The following TSPAN15 variants were observed in gnomAD, a reference collection of about 807,000 sequenced individuals.
TSPAN15 encodes the protein tetraspanin-15.
A neutral mutation model predicts 34.5 loss-of-function variants in TSPAN15; 20 were observed. The ratio of observed to expected loss-of-function variants is 0.58; its 90% CI spans 0.41 to 0.84. TSPAN15 has a LOEUF of 0.84. Among genes scored for constraint, TSPAN15 ranks in the 40% least tolerant of loss-of-function variants. The probability of loss-of-function intolerance (pLI) is 0.00; values close to 1 mark genes in which losing one functional copy is unlikely to be tolerated. For synonymous variants in TSPAN15, 155 were observed against 153.9 expected, an observed-to-expected ratio of 1.01 and a Z score of -0.05; for missense variants, 313 against 386.1, an observed-to-expected ratio of 0.81 and a Z score of 1.59.
downstream of TSPAN15, among the ~76,000 whole-genome samples, chr10:69,510,890 G>A (rs1485682334): frequency 3.9e-5 from 6 of 152,104 alleles, no homozygotes; most frequent in African/African-American, 9.7e-5. Flanking sequence ...ATTGATTTTC[G>A]TATGTTGAAC....
the TSPAN15 span, among the ~76,000 whole-genome samples, chr10:69,539,447 A>G: frequency 2.6e-5 from 1 of 38,198 alleles, no homozygotes; most frequent in African/African-American, 9.1e-5. Flanking sequence ...AGAAGGAAGA[A>G]GAAGAAGAAG....
At chr10:69,533,316 T>TAA in the TSPAN15 span, among the ~76,000 whole-genome samples, 1 of 152,084 alleles carries the variant, frequency 6.6e-6, no homozygotes, top group Non-Finnish European at 1.5e-5. Flanking sequence ...TATATATATA[T>TAA]AAAACGGAAT....
the TSPAN15 span, among the ~76,000 whole-genome samples, chr10:69,548,781 A>C: frequency 1.3e-5 from 2 of 152,338 alleles, no homozygotes; most frequent in Admixed American, 1.3e-4. Flanking sequence ...ACTTGGGAGA[A>C]GTAAGATAAA....
At chr10:69,503,695 TG>T (rs989842321) in intron 5 of TSPAN15, among the ~76,000 whole-genome samples, 1 of 151,886 alleles carries the variant, frequency 6.6e-6, no homozygotes, top group African/African-American at 2.4e-5. Flanking sequence ...GCAGCGGGGC[TG>T]GGGGGGACGG....
chr10:69,481,654 G>A (rs1055328902), intron 1 of TSPAN15, among the ~76,000 whole-genome samples: 2 of 152,180 alleles, frequency 1.3e-5, no homozygotes, highest in Non-Finnish European at 2.9e-5. Context: ...CGGCCTCCTC[G>A]GTGTTTTGCA....
chr10:69,516,653 C>T, the TSPAN15 span, among the ~76,000 whole-genome samples: 1 of 152,184 alleles, frequency 6.6e-6, no homozygotes, highest in Non-Finnish European at 1.5e-5. Context: ...AAGTTCTTAG[C>T]CCCTGCGAGG....
At chr10:69,455,990 T>C (rs995664574) in intron 1 of TSPAN15, among the ~76,000 whole-genome samples, 1 of 152,188 alleles carries the variant, frequency 6.6e-6, no homozygotes, top group African/African-American at 2.4e-5. Flanking sequence ...TTGCCTGTTT[T>C]TGTATGTGCA....
intron 3 of TSPAN15, among the ~76,000 whole-genome samples, chr10:69,493,925 T>G (rs1842022991): frequency 6.6e-6 from 1 of 152,232 alleles, no homozygotes; most frequent in East Asian, 1.9e-4. Flanking sequence ...TCCATCTCCT[T>G]CTTTACCTTG....
the TSPAN15 span, among the ~76,000 whole-genome samples, chr10:69,539,533 A>AGAAGG: frequency 4.6e-4 from 22 of 48,282 alleles, no homozygotes; most frequent in African/African-American, 1.3e-3. Context: ...GAAGAAGAAG[A>AGAAGG]AGAAGGAGAA....
At chr10:69,490,856 T>A (rs1294494213) in intron 3 of TSPAN15, among the ~76,000 whole-genome samples, 2 of 152,272 alleles carry the variant, frequency 1.3e-5, no homozygotes, top group Admixed American at 1.3e-4. Flanking sequence ...ATTGTTCCTT[T>A]TCCCAAATAT....
chr10:69,547,197 A>C, the TSPAN15 span, among the ~76,000 whole-genome samples: 2 of 151,822 alleles, frequency 1.3e-5, no homozygotes, highest in East Asian at 3.9e-4. Context: ...GTGAGACTCC[A>C]TCTCAAAAAA....
chr10:69,530,820 CTATATATATATA>C, the TSPAN15 span, among the ~76,000 whole-genome samples: 699 of 30,720 alleles, frequency 0.023, 26 homozygotes, highest in Middle Eastern at 0.15. Flanking sequence ...CTCTCTCTCT[CTATATATATATA>C]TATATATATA....
At chr10:69,524,783 C>CTT in the TSPAN15 span, among the ~76,000 whole-genome samples, 1 of 136,978 alleles carries the variant, frequency 7.3e-6, no homozygotes, top group African/African-American at 2.6e-5. Context: ...ATATATGCAT[C>CTT]TTTTTTTTTT....
At chr10:69,469,547 G>C (rs1201553858) in intron 1 of TSPAN15, among the ~76,000 whole-genome samples, 2 of 152,004 alleles carry the variant, frequency 1.3e-5, no homozygotes, top group Non-Finnish European at 2.9e-5. Flanking sequence ...CTACCTCCCA[G>C]GCTCAAGCAA....
intron 1 of TSPAN15, among the ~76,000 whole-genome samples, chr10:69,477,077 TA>T (rs1176505697): frequency 6.6e-6 from 1 of 151,986 alleles, no homozygotes; most frequent in Non-Finnish European, 1.5e-5. Context: ...TTCTCCCGAG[TA>T]AGTTGGTGAA....
At chr10:69,467,666 AC>A (rs780770169) in intron 1 of TSPAN15, among the ~76,000 whole-genome samples, 12,655 of 150,938 alleles carry the variant, frequency 0.084, 703 homozygotes, top group Non-Finnish European at 0.12. Flanking sequence ...ACACACACAC[AC>A]ACACACACCT....
the TSPAN15 span, among the ~76,000 whole-genome samples, chr10:69,516,748 C>G: frequency 6.6e-6 from 1 of 152,162 alleles, no homozygotes; most frequent in African/African-American, 2.4e-5. Context: ...ACTGCAATCA[C>G]TGAGGGTATC....
intron 5 of TSPAN15, 128 bp from the exon 6 acceptor site, chr10:69,504,310 C>A: frequency 1.3e-6 from 1 of 782,974 alleles, no homozygotes; most frequent in Non-Finnish European, 2.0e-6. Flanking sequence ...GGGTCGGAAT[C>A]TCAGCTCCAT....
chr10:69,506,686 A>C lies in TSPAN15; in HGVS notation c.736-143A>C. 1 of 791,456 alleles carries C rather than the reference A, an allele frequency of 1.3e-6. No homozygotes were observed. The highest frequency in any genetic ancestry group is 2.0e-6 in the Non-Finnish European group (1 of 495,656). The allele number at this position is 791,456 out of a possible 1,614,324, so 49.0% of individuals were successfully genotyped here. A position where few individuals can be genotyped will look rare whatever the true frequency, so the allele number is the denominator to read the frequency against. Reference sequence around the variant, plus strand: ...CTTGGGCAGTGTGGGTGCTGGGAGAAGTCTCTGCTGTGGGTGTTGCCCAGG... The same window carrying C: ...CTTGGGCAGTGTGGGTGCTGGGAGACGTCTCTGCTGTGGGTGTTGCCCAGG... On this transcript the variant is annotated intron_variant, in intron 7 of 7. Transcript: ENST00000373290. The surrounding 1 kb of genome is among the most constrained non-coding windows in gnomAD (Gnocchi z 4.7).
Sources: allele counts gnomAD v4.1 joint callset (sites outside exome capture counted in the v4.1 genomes callset), GRCh38; gene constraint gnomAD v4.1.1; non-coding constraint Gnocchi (gnomAD v3.1); transcripts MANE v1.5; gene names NCBI Gene and HGNC (gene_info 2026-07-23, HGNC 2026-07-21).